NTN1: variants seen among roughly 807,000 people sequenced by gnomAD.
The protein encoded by NTN1 is netrin 1.
In NTN1, 11 loss-of-function variants were observed where a neutral mutation model predicts 54.2. The ratio of observed to expected loss-of-function variants is 0.20; its 90% CI spans 0.13 to 0.34. The LOEUF is 0.34. Among genes scored for constraint, NTN1 ranks in the 10% least tolerant of loss-of-function variants. The probability of loss-of-function intolerance (pLI) is 1.00; values close to 1 mark genes in which losing one functional copy is unlikely to be tolerated. For synonymous variants in NTN1, 371 were observed against 382.0 expected (o/e 0.97, Z 0.33); for missense variants, 740 against 893.1 (o/e 0.83, Z 2.18).
intron 2 of NTN1, among the ~76,000 whole-genome samples, chr17:9,051,487 T>C (rs950208979): frequency 1.3e-5 from 2 of 152,198 alleles, no homozygotes; most frequent in Non-Finnish European, 2.9e-5. Flanking sequence ...CCCTCTCCAC[T>C]TTGCAGTATG....
the NTN1 span, among the ~76,000 whole-genome samples, chr17:9,008,668 T>C: frequency 1.4e-3 from 213 of 152,326 alleles, no homozygotes; most frequent in African/African-American, 4.9e-3. Context: ...TTGGACACTT[T>C]AGGGTCTTCT....
Position 9,166,152 on chromosome 17 carries a change from A to T in NTN1, c.1207+3151A>T, listed in dbSNP as rs1472134891. Among the ~76,000 whole-genome samples the T allele has an allele frequency of 6.1e-3, 8 of 1,304 alleles. 1 individual carries two copies. Among genetic ancestry groups the T allele is most frequent in the African/African-American group, 0.031 (7 of 226 alleles). The allele number at this position is 1,304 out of a possible 152,430, so 0.9% of individuals were successfully genotyped here. A position where few individuals can be genotyped will look rare whatever the true frequency, so the allele number is the denominator to read the frequency against. On this transcript the variant is annotated intron_variant, in intron 3 of 6. Coordinates refer to ENST00000173229, the MANE Select transcript of NTN1 (RefSeq NM_004822.3). ...GGGGTCTCCTGGTCAACCCCCTTCC[A>T]CCACCACCACCACCACCACCACCAC...
intron 4 of NTN1, among the ~76,000 whole-genome samples, chr17:9,180,495 A>G (rs1298186961): frequency 6.6e-6 from 1 of 152,122 alleles, no homozygotes; most frequent in Non-Finnish European, 1.5e-5. Flanking sequence ...CCTGACAAAC[A>G]CTGAGTCTCC....
At chr17:9,203,067 G>A (rs766303718) in intron 5 of NTN1, among the ~76,000 whole-genome samples, 5 of 152,078 alleles carry the variant, frequency 3.3e-5, no homozygotes, top group Admixed American at 6.5e-5. Context: ...GACTACAGGC[G>A]CTGGCCACCA....
intron 5 of NTN1, among the ~76,000 whole-genome samples, chr17:9,196,734 GCA>G (rs1904644608): frequency 6.6e-6 from 1 of 152,214 alleles, no homozygotes; most frequent in Admixed American, 6.5e-5. Flanking sequence ...AGTGTCATTT[GCA>G]CAGTTTTGTG....
In NTN1 at chr17:9,061,816, G is replaced by A. The variant is rs541217213; in HGVS notation, c.1018+38425G>A. Among the ~76,000 whole-genome samples the A allele has an allele frequency of 4.6e-5, 7 of 152,270 alleles. No homozygotes were observed. The South Asian group carries it at 1.5e-3, about 32-fold the overall frequency. On this transcript the variant is annotated intron_variant, in intron 2 of 6. Transcript: ENST00000173229. ...CCTCCCGGGTTCAAGCAATTCTCCT[G>A]CCTCAGCCTCCCAAGTGGCTGGGAT...
chr17:9,180,348 G>T (rs1215932160), intron 4 of NTN1, among the ~76,000 whole-genome samples: 2 of 152,212 alleles, frequency 1.3e-5, no homozygotes, highest in African/African-American at 4.8e-5. Context: ...CCATTCAGTG[G>T]GTTCTGTCTT....
In NTN1 at chr17:9,240,042, C is replaced by G; in HGVS notation, c.*74C>G. ...GCGAGAGCGGGCGCCTTGGCCCGGC[C>G]GCCGCGGACTTGGCCCGCGAGGGCT... On this transcript the variant is annotated 3_prime_UTR_variant, in exon 7 of 7. Coordinates refer to ENST00000173229, the MANE Select transcript of NTN1 (RefSeq NM_004822.3). 1.0e-6 allele frequency: 1 copy of G among 957,456 alleles called. No homozygotes were observed. The highest frequency in any genetic ancestry group is 1.3e-6 in the Non-Finnish European group (1 of 775,738). The allele number at this position is 957,456 out of a possible 1,614,324, so 59.3% of individuals were successfully genotyped here.
At chr17:9,214,061 T>G (rs1450402542) in intron 5 of NTN1, among the ~76,000 whole-genome samples, 2 of 152,166 alleles carry the variant, frequency 1.3e-5, no homozygotes, top group Non-Finnish European at 2.9e-5. Flanking sequence ...AGTTCTTGGA[T>G]GTATTTATGT....
chr17:9,039,325 T>C (rs776650037), intron 2 of NTN1, among the ~76,000 whole-genome samples: 26 of 152,218 alleles, frequency 1.7e-4, no homozygotes, highest in Non-Finnish European at 3.7e-4. Flanking sequence ...AAAATGAACT[T>C]GGTGATAGTT....
At chr17:9,154,839 C>T (rs1200459493) in intron 2 of NTN1, among the ~76,000 whole-genome samples, 3 of 152,080 alleles carry the variant, frequency 2.0e-5, no homozygotes, top group Non-Finnish European at 4.4e-5. Context: ...CTCTTGAAAC[C>T]AGGCATCTGC....
At chr17:9,025,762 A>G (rs919170572) in intron 2 of NTN1, among the ~76,000 whole-genome samples, 1 of 152,240 alleles carries the variant, frequency 6.6e-6, no homozygotes. Context: ...ATTTACAATT[A>G]AAGGTTGAGC....
At chr17:9,120,488 C>T (rs2092228796) in intron 2 of NTN1, among the ~76,000 whole-genome samples, 1 of 152,174 alleles carries the variant, frequency 6.6e-6, no homozygotes, top group African/African-American at 2.4e-5. Context: ...AAATAGTCCC[C>T]TACTTGGGGA....
chr17:9,221,066 G>T lies in NTN1; in HGVS notation c.1412-102G>T, dbSNP rs1026012806. 1 of 871,156 alleles carries T rather than the reference G, an allele frequency of 1.1e-6. No homozygotes were observed. The allele number at this position is 871,156 out of a possible 1,614,324, so 54.0% of individuals were successfully genotyped here. A position where few individuals can be genotyped will look rare whatever the true frequency, so the allele number is the denominator to read the frequency against. On this transcript the variant is annotated intron_variant, in intron 5 of 6. Transcript: ENST00000173229. This position sits in a 1 kb window ranked among gnomAD's most constrained non-coding sequence, Gnocchi z 4.5. ...CCGGCCTGGCCCATGGGTATCACAG[G>T]CCTCTGGCTATTTAGGGAGGCGGCC...
At chr17:9,142,824 A>G (rs543714596) in intron 2 of NTN1, among the ~76,000 whole-genome samples, 1 of 152,220 alleles carries the variant, frequency 6.6e-6, no homozygotes, top group Non-Finnish European at 1.5e-5. Context: ...GCTATAATAT[A>G]ACCAACAAAA....
chr17:9,189,245 A>C (rs1469351086), intron 5 of NTN1, among the ~76,000 whole-genome samples: 1 of 152,152 alleles, frequency 6.6e-6, no homozygotes, highest in Non-Finnish European at 1.5e-5. Flanking sequence ...AGGCACAGAG[A>C]GATGGGTGAG....
intron 2 of NTN1, among the ~76,000 whole-genome samples, chr17:9,068,969 T>C (rs1266297479): frequency 1.3e-5 from 2 of 152,166 alleles, no homozygotes; most frequent in Non-Finnish European, 2.9e-5. Flanking sequence ...CACGGCTCTC[T>C]TCCCAGCTGG....
chr17:9,044,601 C>T (rs2091935298), intron 2 of NTN1, among the ~76,000 whole-genome samples: 1 of 152,024 alleles, frequency 6.6e-6, no homozygotes, highest in Non-Finnish European at 1.5e-5. Flanking sequence ...TATGTAAGAT[C>T]ACCTCTTGTC....
chr17:9,152,402 C>T (rs927061015), intron 2 of NTN1, among the ~76,000 whole-genome samples: 2 of 152,166 alleles, frequency 1.3e-5, no homozygotes, highest in Non-Finnish European at 1.5e-5. Flanking sequence ...TCTGAAAGAC[C>T]CAGGTGGTCA....
Sources: allele counts gnomAD v4.1 joint callset (sites outside exome capture counted in the v4.1 genomes callset), GRCh38; gene constraint gnomAD v4.1.1; non-coding constraint Gnocchi (gnomAD v3.1); transcripts MANE v1.5; gene names NCBI Gene and HGNC (gene_info 2026-07-23, HGNC 2026-07-21).